The following CA10 variants were observed in gnomAD, a reference collection of about 807,000 sequenced individuals.
CA10 encodes carbonic anhydrase 10 (inactive).
A neutral mutation model predicts 44.2 loss-of-function variants in CA10; 14 were observed. That is an observed-to-expected ratio of 0.32 (90% CI 0.21 to 0.50). The LOEUF (loss-of-function observed/expected upper bound fraction) is 0.50. Among genes scored for constraint, CA10 ranks in the 20% least tolerant of loss-of-function variants. The pLI, the probability that CA10 is intolerant of heterozygous loss-of-function variation, is 0.99. For missense variants in CA10, 350 were observed against 409.7 expected (o/e 0.85, Z 1.26); for synonymous variants, 159 against 141.6 (o/e 1.12, Z -0.87).
intron 3 of CA10, among the ~76,000 whole-genome samples, chr17:51,756,331 A>G (rs1905077392): frequency 1.3e-5 from 2 of 152,198 alleles, no homozygotes; most frequent in South Asian, 2.1e-4. Flanking sequence ...AAGGATTTTT[A>G]CTTAAAGCAC....
upstream of CA10, chr17:52,159,369 C>T (rs1211117094): frequency 6.6e-6 from 1 of 152,356 alleles, no homozygotes; most frequent in Admixed American, 6.5e-5. Flanking sequence ...CACCGCCTTT[C>T]CAAGTCCGGG....
intron 3 of CA10, among the ~76,000 whole-genome samples, chr17:51,765,610 T>C (rs1398575719): frequency 1.3e-5 from 2 of 152,116 alleles, no homozygotes; most frequent in Non-Finnish European, 2.9e-5. Flanking sequence ...GCGATCTCCA[T>C]TTTAGTTGTA....
intron 4 of CA10, among the ~76,000 whole-genome samples, chr17:51,733,420 C>T (rs956219834): frequency 5.9e-5 from 9 of 152,194 alleles, no homozygotes; most frequent in Non-Finnish European, 8.8e-5. Context: ...CAGGGAACAG[C>T]AGGAGAAAGT....
chr17:51,996,390 A>G (rs1358557359), intron 2 of CA10, among the ~76,000 whole-genome samples: 1 of 152,034 alleles, frequency 6.6e-6, no homozygotes, highest in Admixed American at 6.6e-5. Context: ...GACAATTACA[A>G]TCACCTCTTT....
chr17:51,750,047 A>C (rs766579311), intron 3 of CA10, among the ~76,000 whole-genome samples: 1 of 152,248 alleles, frequency 6.6e-6, no homozygotes. Flanking sequence ...TGAGATAATC[A>C]GAACTTTTCA....
At chr17:52,147,730 C>A (rs917879540) in intron 1 of CA10, among the ~76,000 whole-genome samples, 1 of 152,148 alleles carries the variant, frequency 6.6e-6, no homozygotes, top group Admixed American at 6.5e-5. Context: ...TGGTGCATTA[C>A]AAGACTTAGA....
intron 3 of CA10, among the ~76,000 whole-genome samples, chr17:51,896,427 C>A (rs962040008): frequency 6.6e-6 from 1 of 151,944 alleles, no homozygotes; most frequent in Non-Finnish European, 1.5e-5. Flanking sequence ...GATCTCATTC[C>A]TTTTATGGCT....
At chr17:51,752,873 C>T (rs772557838) in intron 3 of CA10, among the ~76,000 whole-genome samples, 10 of 151,984 alleles carry the variant, frequency 6.6e-5, no homozygotes, top group South Asian at 2.1e-4. Flanking sequence ...TGGCTGAGAT[C>T]GCGCCACTGC....
chr17:51,832,516 T>C (rs1908320189), intron 3 of CA10, among the ~76,000 whole-genome samples: 1 of 152,208 alleles, frequency 6.6e-6, no homozygotes, highest in Admixed American at 6.5e-5. Context: ...GGCTTAAAGA[T>C]GCTCATGATG....
intron 4 of CA10, among the ~76,000 whole-genome samples, chr17:51,729,621 C>T (rs923660508): frequency 6.6e-6 from 1 of 152,178 alleles, no homozygotes; most frequent in African/African-American, 2.4e-5. Context: ...TTGCTCCACG[C>T]TTTAGACACT....
At chr17:52,019,888 A>G (rs1258154692) in intron 2 of CA10, among the ~76,000 whole-genome samples, 1 of 152,010 alleles carries the variant, frequency 6.6e-6, no homozygotes, top group Non-Finnish European at 1.5e-5. Context: ...ACAGTGTAAT[A>G]TCACTGTGAA....
chr17:51,954,525 C>G (rs952724447), intron 2 of CA10, among the ~76,000 whole-genome samples: 5 of 152,078 alleles, frequency 3.3e-5, no homozygotes, highest in Non-Finnish European at 7.4e-5. Flanking sequence ...AAATAATGCT[C>G]TCTGGTTTAT....
chr17:51,946,084 C>T (rs965169834), intron 2 of CA10, among the ~76,000 whole-genome samples: 5 of 152,086 alleles, frequency 3.3e-5, no homozygotes, highest in Non-Finnish European at 7.4e-5. Context: ...CTCACTTACA[C>T]GTGGATTCTA....
chr17:51,642,219 C>T (rs1349630454), intron 6 of CA10, among the ~76,000 whole-genome samples: 4 of 152,114 alleles, frequency 2.6e-5, no homozygotes, highest in East Asian at 1.9e-4. Context: ...TGGTGTGCTG[C>T]GTTTTGCATT....
chr17:52,127,738 CT>C (rs1371950132), intron 1 of CA10, among the ~76,000 whole-genome samples: 1 of 152,144 alleles, frequency 6.6e-6, no homozygotes, highest in East Asian at 1.9e-4. Flanking sequence ...GAGTGAACTC[CT>C]TTTTAATGCT....
intron 3 of CA10, among the ~76,000 whole-genome samples, chr17:51,769,113 T>C (rs1905500677): frequency 6.6e-6 from 1 of 152,204 alleles, no homozygotes; most frequent in African/African-American, 2.4e-5. Context: ...GGCAACTCAA[T>C]GAGAAAACAG....
At position 51,991,354 on chromosome 17, in the gene CA10, A is replaced by T. The variant is rs889894456; in HGVS notation, c.137-60222T>A. Among the ~76,000 whole-genome samples the T allele has an allele frequency of 2.8e-4, 42 of 152,090 alleles. 1 individual carries two copies. Among genetic ancestry groups the T allele is most frequent in the Non-Finnish European group, 2.2e-4 (15 of 68,008 alleles). The stretch of plus-strand genomic sequence containing the variant: ...CTCCAAAATGTTATTTGTCCTTTAG[A>T]TCTATTTCAGATGTATTTCTTGCTG... On this transcript the variant is annotated intron_variant, in intron 2 of 8. Coordinates refer to ENST00000451037, the MANE Select transcript of CA10 (RefSeq NM_020178.5).
chr17:51,656,282 G>A (rs558137899), intron 4 of CA10, among the ~76,000 whole-genome samples: 1 of 152,334 alleles, frequency 6.6e-6, no homozygotes, highest in East Asian at 1.9e-4. Context: ...GGCAGAAAAA[G>A]GCAGGAAGAA....
intron 1 of CA10, among the ~76,000 whole-genome samples, chr17:52,151,413 T>C (rs556227138): frequency 6.6e-6 from 1 of 152,252 alleles, no homozygotes; most frequent in South Asian, 2.1e-4. Flanking sequence ...AGGTCAAATG[T>C]TTTCTATAAA....
Sources: allele counts gnomAD v4.1 joint callset (sites outside exome capture counted in the v4.1 genomes callset), GRCh38; gene constraint gnomAD v4.1.1; transcripts MANE v1.5; gene names NCBI Gene and HGNC (gene_info 2026-07-23, HGNC 2026-07-21).